The following ARL15 variants were observed in gnomAD, a reference collection of about 807,000 sequenced individuals.
ARL15 encodes ARF like GTPase 15, also known as ADP-ribosylation factor-like protein 15.
Under a neutral mutation model 25.2 loss-of-function variants are expected in ARL15, and 19 were observed. That is an observed-to-expected ratio of 0.75 (90% CI 0.53 to 1.10). The LOEUF is 1.10. Ranked by LOEUF, ARL15 falls within the 50% of genes least tolerant of loss-of-function variation. The probability of loss-of-function intolerance (pLI) is 0.00; values close to 1 mark genes in which losing one functional copy is unlikely to be tolerated. For missense variants in ARL15, 220 were observed against 246.0 expected, an observed-to-expected ratio of 0.89 and a Z score of 0.71; for synonymous variants, 94 against 86.8, an observed-to-expected ratio of 1.08 and a Z score of -0.46.
chr5:54,208,058 G>A (rs1342630233), intron 1 of ARL15, among the ~76,000 whole-genome samples: 2 of 152,082 alleles, frequency 1.3e-5, no homozygotes, highest in East Asian at 1.9e-4. Context: ...CCACCACTGA[G>A]GCCCAGGCTT....
intron 4 of ARL15, among the ~76,000 whole-genome samples, chr5:53,984,319 G>A (rs1202093369): frequency 3.9e-5 from 6 of 152,044 alleles, no homozygotes; most frequent in Non-Finnish European, 8.8e-5. Context: ...TCTTGGTGTG[G>A]TCTTATTTGA....
chr5:54,110,100 A>G (rs1311368355), intron 4 of ARL15, among the ~76,000 whole-genome samples: 1 of 152,006 alleles, frequency 6.6e-6, no homozygotes, highest in African/African-American at 2.4e-5. Flanking sequence ...GGGCAAGAAA[A>G]TAATTGGGCA....
intron 1 of ARL15, among the ~76,000 whole-genome samples, chr5:54,195,637 A>G (rs1755528180): frequency 6.6e-6 from 1 of 152,166 alleles, no homozygotes; most frequent in African/African-American, 2.4e-5. Context: ...TGTAAAGGAA[A>G]AAAGAAATGT....
chr5:54,152,717 G>A (rs184311693), intron 3 of ARL15, among the ~76,000 whole-genome samples: 30 of 152,238 alleles, frequency 2.0e-4, no homozygotes, highest in Admixed American at 3.3e-4. Context: ...ACCTCATTAC[G>A]AAATAGGTAC....
At chr5:54,087,172 T>G (rs1006688695) in intron 4 of ARL15, among the ~76,000 whole-genome samples, 1 of 151,920 alleles carries the variant, frequency 6.6e-6, no homozygotes, top group Non-Finnish European at 1.5e-5. Context: ...CCGTCGCTAC[T>G]AAAAAATTAG....
At chr5:54,278,647 A>G (rs967856207) in intron 1 of ARL15, among the ~76,000 whole-genome samples, 4 of 152,020 alleles carry the variant, frequency 2.6e-5, no homozygotes, top group African/African-American at 9.7e-5. Flanking sequence ...CTCTGTCTCA[A>G]TTTGTTCTGG....
At chr5:54,129,364 T>C (rs1753363976) in intron 3 of ARL15, among the ~76,000 whole-genome samples, 1 of 152,198 alleles carries the variant, frequency 6.6e-6, no homozygotes, top group Non-Finnish European at 1.5e-5. Flanking sequence ...TCACAATTTC[T>C]TGGCTCCCTA....
At chr5:53,951,657 T>C (rs1746967290) in intron 4 of ARL15, 1 of 405,452 alleles carries the variant, frequency 2.5e-6, no homozygotes, top group Non-Finnish European at 4.8e-6. Context: ...ATATTTTCGA[T>C]ATGATGACCA....
chr5:53,941,446 A>G (rs2112085898), intron 4 of ARL15, among the ~76,000 whole-genome samples: 1 of 152,350 alleles, frequency 6.6e-6, no homozygotes, highest in South Asian at 2.1e-4. Flanking sequence ...GCCTGTCGTT[A>G]AAAATAAACG....
At chr5:53,910,661 A>C (rs1442661535) in intron 4 of ARL15, among the ~76,000 whole-genome samples, 1 of 140,544 alleles carries the variant, frequency 7.1e-6, no homozygotes, top group Non-Finnish European at 1.5e-5. Flanking sequence ...ATATATATAT[A>C]TATATATATA....
intron 1 of ARL15, among the ~76,000 whole-genome samples, chr5:54,279,462 G>C (rs1371802701): frequency 6.6e-6 from 1 of 152,184 alleles, no homozygotes. Flanking sequence ...CAGAGAGAGA[G>C]AGAAAGCAAG....
At chr5:54,041,804 T>C (rs1646605598) in intron 4 of ARL15, among the ~76,000 whole-genome samples, 1 of 152,302 alleles carries the variant, frequency 6.6e-6, no homozygotes, top group Middle Eastern at 3.4e-3. Context: ...CCAGGAACTC[T>C]GAATCAGGGA....
intron 4 of ARL15, among the ~76,000 whole-genome samples, chr5:53,933,375 G>A (rs566431590): frequency 6.6e-6 from 1 of 152,210 alleles, no homozygotes; most frequent in Admixed American, 6.5e-5. Context: ...GGCCGGGCGC[G>A]GTGGCTCACG....
At chr5:54,154,410 A>G (rs1243238750) in intron 3 of ARL15, 170 bp downstream of exon 3, 21 of 534,716 alleles carry the variant, frequency 3.9e-5, no homozygotes, top group Non-Finnish European at 5.7e-5. Flanking sequence ...CTCTTCAACA[A>G]TTTTTAAAAC....
intron 4 of ARL15, among the ~76,000 whole-genome samples, chr5:53,926,285 G>C (rs191963674): frequency 2.0e-5 from 3 of 152,232 alleles, no homozygotes; most frequent in Admixed American, 2.0e-4. Context: ...CTAGATCATA[G>C]AAGTCAGGGC....
At chr5:54,080,259 A>C (rs1307836146) in intron 4 of ARL15, among the ~76,000 whole-genome samples, 1 of 152,222 alleles carries the variant, frequency 6.6e-6, no homozygotes, top group Non-Finnish European at 1.5e-5. Context: ...ATATTGCACT[A>C]GAGAGAGGTG....
At chr5:54,209,173 G>A (rs762806099) in intron 1 of ARL15, among the ~76,000 whole-genome samples, 3 of 152,138 alleles carry the variant, frequency 2.0e-5, no homozygotes, top group Admixed American at 1.3e-4. Context: ...TGAAGGAGTA[G>A]GGGGAGGTAA....
At chr5:54,100,099 C>A (rs1752393285) in intron 4 of ARL15, among the ~76,000 whole-genome samples, 1 of 152,040 alleles carries the variant, frequency 6.6e-6, no homozygotes, top group Non-Finnish European at 1.5e-5. Context: ...TGTTTATAAT[C>A]ACAAAAAATC....
At chr5:54,217,610 T>C (rs531369227) in intron 1 of ARL15, among the ~76,000 whole-genome samples, 1 of 152,266 alleles carries the variant, frequency 6.6e-6, no homozygotes, top group East Asian at 1.9e-4. Context: ...TTCAAAAGTA[T>C]TCCATTTGCA....
Sources: gnomAD v4.1 joint callset for allele counts (sites outside exome capture counted in the v4.1 genomes callset) on GRCh38, gnomAD v4.1.1 for gene constraint, MANE v1.5 for transcripts, NCBI Gene and HGNC (gene_info 2026-07-23, HGNC 2026-07-21) for gene names.